Variants in NRXN1 observed in about 807,000 individuals in gnomAD.
The protein encoded by NRXN1 is neurexin 1.
A neutral mutation model predicts 150.9 loss-of-function variants in NRXN1; 39 were observed. The observed-to-expected ratio is 0.26, with a 90% CI of 0.20 to 0.34. The LOEUF is 0.34. NRXN1 is among the 10% of genes least tolerant of loss of function. The pLI is 1.00. For synonymous variants in NRXN1, 924 were observed against 757.0 expected, an observed-to-expected ratio of 1.22 and a Z score of -3.62; for missense variants, 1,815 against 1,949.9, an observed-to-expected ratio of 0.93 and a Z score of 1.30.
chr2:50,315,172 T>C (rs892722487), intron 17 of NRXN1, among the ~76,000 whole-genome samples: 3 of 151,976 alleles, frequency 2.0e-5, no homozygotes, highest in African/African-American at 7.2e-5. Context: ...TATGTGAGCT[T>C]TTTTTTCCCC....
At chr2:50,230,198 C>G (rs2064807995) in intron 18 of NRXN1, among the ~76,000 whole-genome samples, 1 of 152,012 alleles carries the variant, frequency 6.6e-6, no homozygotes, top group South Asian at 2.1e-4. Context: ...TTTGAAAAAA[C>G]TGTTCAATGA....
intron 5 of NRXN1, among the ~76,000 whole-genome samples, chr2:50,852,233 A>C (rs980553690): frequency 6.6e-6 from 1 of 152,176 alleles, no homozygotes; most frequent in Non-Finnish European, 1.5e-5. Flanking sequence ...TGACAGTTGA[A>C]ATGCTTTTTA....
intron 5 of NRXN1, among the ~76,000 whole-genome samples, chr2:50,835,288 C>A (rs1447832900): frequency 2.0e-5 from 3 of 151,956 alleles, no homozygotes; most frequent in African/African-American, 4.8e-5. Flanking sequence ...CTAATGATAC[C>A]CTTAAAATAA....
chr2:50,945,914 AC>A (rs11307635), intron 2 of NRXN1, among the ~76,000 whole-genome samples: 6,105 of 149,306 alleles, frequency 0.041, 294 homozygotes, highest in East Asian at 0.25. Context: ...ACACACACAC[AC>A]ACACACATCT....
At chr2:50,126,589 TAC>T (rs1268844442) in intron 18 of NRXN1, among the ~76,000 whole-genome samples, 4 of 152,144 alleles carry the variant, frequency 2.6e-5, no homozygotes. Flanking sequence ...ACTTTATTAT[TAC>T]ACATTCATTC....
chr2:50,506,820 T>C lies in NRXN1; in HGVS notation c.2375-203A>G, dbSNP rs7571753. On this transcript the variant is annotated intron_variant, in intron 12 of 22. Coordinates refer to ENST00000401669, the MANE Select transcript of NRXN1 (RefSeq NM_001330078.2). ...CCAATTTTCAAGCCCATTAGAGTCA[T>C]AGCAAGCAAGGAAAATGACAACTTT... The C allele has an allele frequency of 0.36, 197,408 of 542,316 alleles. 38,971 individuals are homozygous for C. Among genetic ancestry groups the C allele is most frequent in the Middle Eastern group, 0.48 (1,006 of 2,076 alleles). The allele number at this position is 542,316 out of a possible 1,614,324, so 33.6% of individuals were successfully genotyped here. A position where few individuals can be genotyped will look rare whatever the true frequency, so the allele number is the denominator to read the frequency against.
At chr2:50,381,606 G>C (rs1470296531) in intron 17 of NRXN1, among the ~76,000 whole-genome samples, 1 of 150,742 alleles carries the variant, frequency 6.6e-6, no homozygotes, top group Non-Finnish European at 1.5e-5. Flanking sequence ...GAGCTAGAGT[G>C]ATATAGAATG....
At chr2:50,212,183 T>G (rs952912336) in intron 18 of NRXN1, among the ~76,000 whole-genome samples, 1 of 151,734 alleles carries the variant, frequency 6.6e-6, no homozygotes, top group African/African-American at 2.4e-5. Context: ...GTGAGTCATC[T>G]TTTTTCAGTT....
chr2:50,104,870 A>G lies in NRXN1; in HGVS notation c.3547-13376T>C, dbSNP rs568685912. Among the ~76,000 whole-genome samples the G allele has an allele frequency of 3.9e-5, 6 of 152,152 alleles. No homozygotes were observed. The South Asian group carries it at 1.2e-3, about 32-fold the overall frequency. The stretch of plus-strand genomic sequence containing the variant: ...CTCTTTGAAAAAGAGAGACACTAAC[A>G]TCCTCATTATTGTATATATCAAGTA... On this transcript the variant is annotated intron_variant, in intron 18 of 22. Coordinates refer to ENST00000401669, the MANE Select transcript of NRXN1 (RefSeq NM_001330078.2).
At chr2:50,982,484 G>A (rs185373119) in intron 2 of NRXN1, among the ~76,000 whole-genome samples, 18 of 152,144 alleles carry the variant, frequency 1.2e-4, no homozygotes, top group Non-Finnish European at 5.9e-5. Context: ...ACATCAAAAA[G>A]GCCTGTTCAT....
chr2:50,310,370 A>C (rs2075074693), intron 17 of NRXN1, among the ~76,000 whole-genome samples: 1 of 152,182 alleles, frequency 6.6e-6, no homozygotes, highest in Non-Finnish European at 1.5e-5. Context: ...GAAATAACTA[A>C]CTACAATTCA....
chr2:50,440,694 T>G (rs1363119389), intron 17 of NRXN1, among the ~76,000 whole-genome samples: 1 of 152,118 alleles, frequency 6.6e-6, no homozygotes, highest in Non-Finnish European at 1.5e-5. Flanking sequence ...TTTCCCCCAG[T>G]GTGGTTTAGG....
At chr2:50,992,472 G>A (rs1313866196) in intron 2 of NRXN1, among the ~76,000 whole-genome samples, 2 of 151,804 alleles carry the variant, frequency 1.3e-5, no homozygotes, top group Admixed American at 6.6e-5. Context: ...ATTATCAGCT[G>A]GTAGATCAGT....
At chr2:50,947,723 G>A (rs1382615466) in intron 2 of NRXN1, among the ~76,000 whole-genome samples, 2 of 151,940 alleles carry the variant, frequency 1.3e-5, no homozygotes, top group Non-Finnish European at 2.9e-5. Flanking sequence ...TGAATGCTTA[G>A]GCAAAGGTAC....
chr2:50,662,887 C>T (rs1195619153), intron 5 of NRXN1, among the ~76,000 whole-genome samples: 6 of 151,916 alleles, frequency 3.9e-5, no homozygotes, highest in Non-Finnish European at 8.8e-5. Flanking sequence ...AATAAAACTT[C>T]TCTAGAGATG....
At chr2:49,949,464 A>G (rs1394897651) in intron 21 of NRXN1, among the ~76,000 whole-genome samples, 1 of 151,940 alleles carries the variant, frequency 6.6e-6, no homozygotes, top group Non-Finnish European at 1.5e-5. Flanking sequence ...CCAAGACTTT[A>G]TTCCTTATGA....
intron 2 of NRXN1, among the ~76,000 whole-genome samples, chr2:50,989,148 A>T (rs1431634122): frequency 6.6e-6 from 1 of 152,004 alleles, no homozygotes; most frequent in Admixed American, 6.6e-5. Flanking sequence ...AGAAATAAAC[A>T]ACATAGTAAC....
At chr2:50,466,708 T>C (rs1486762355) in intron 16 of NRXN1, among the ~76,000 whole-genome samples, 23 of 151,692 alleles carry the variant, frequency 1.5e-4, no homozygotes, top group Admixed American at 1.1e-3. Flanking sequence ...ATTGTACATA[T>C]GTATATATAT....
At chr2:50,173,239 CAA>C (rs1643692709) in intron 18 of NRXN1, among the ~76,000 whole-genome samples, 2 of 152,114 alleles carry the variant, frequency 1.3e-5, no homozygotes, top group African/African-American at 4.8e-5. Flanking sequence ...TCATTTCAGA[CAA>C]GATGCAGACT....
Sources: gnomAD v4.1 joint callset for allele counts (sites outside exome capture counted in the v4.1 genomes callset) on GRCh38, gnomAD v4.1.1 for gene constraint, MANE v1.5 for transcripts, NCBI Gene and HGNC (gene_info 2026-07-23, HGNC 2026-07-21) for gene names.